Variants in COL24A1 observed in about 807,000 individuals in gnomAD.
COL24A1 encodes the protein collagen alpha-1(XXIV) chain.
In COL24A1, 224 loss-of-function variants were observed where a neutral mutation model predicts 253.9. That is an observed-to-expected ratio of 0.88 (90% CI 0.79 to 0.99). The LOEUF is 0.99. Among genes scored for constraint, COL24A1 ranks in the 50% least tolerant of loss-of-function variants. The probability of loss-of-function intolerance (pLI) is 0.00; values close to 1 mark genes in which losing one functional copy is unlikely to be tolerated. For missense variants in COL24A1, 2,131 were observed against 2,068.5 expected, an observed-to-expected ratio of 1.03 and a Z score of -0.59; for synonymous variants, 685 against 673.7, an observed-to-expected ratio of 1.02 and a Z score of -0.26.
At chr1:85,873,680 G>C (rs188549664) in intron 35 of COL24A1, among the ~76,000 whole-genome samples, 1 of 152,130 alleles carries the variant, frequency 6.6e-6, no homozygotes, top group South Asian at 2.1e-4. Context: ...ACACACTGTC[G>C]TGGGGTAGGG....
intron 20 of COL24A1, among the ~76,000 whole-genome samples, chr1:85,977,969 C>G (rs1418355391): frequency 6.6e-6 from 1 of 152,110 alleles, no homozygotes; most frequent in Non-Finnish European, 1.5e-5. Context: ...ATCATACGAG[C>G]TGTGAGGCAA....
intron 39 of COL24A1, among the ~76,000 whole-genome samples, chr1:85,845,969 T>C (rs116203346): frequency 0.011 from 1,675 of 151,840 alleles, 23 homozygotes; most frequent in African/African-American, 0.038. Context: ...AATTATGAAG[T>C]ATTTGCCCTA....
chr1:85,793,899 T>G (rs768866903), intron 47 of COL24A1, among the ~76,000 whole-genome samples: 4 of 151,728 alleles, frequency 2.6e-5, no homozygotes, highest in Non-Finnish European at 5.9e-5. Flanking sequence ...AAAATTCTGA[T>G]GAATAGCACC....
intron 12 of COL24A1, among the ~76,000 whole-genome samples, chr1:86,036,673 T>C (rs1260072813): frequency 2.0e-5 from 3 of 152,176 alleles, no homozygotes; most frequent in Non-Finnish European, 4.4e-5. Context: ...TGCAGCCACA[T>C]AGCTTCATTG....
rs1199299899 is a variant in COL24A1, at chr1:85,889,728, A to T, written c.2923-115T>A. On this transcript the variant is annotated intron_variant, in intron 31 of 59. Transcript: ENST00000370571. Reference sequence around the variant, plus strand: ...CCACCCAACTTTTCTGTCTATTGCTATTCTTTTTTTTTTTTTGCTTTTGTG... The same window carrying T: ...CCACCCAACTTTTCTGTCTATTGCTTTTCTTTTTTTTTTTTTGCTTTTGTG... 15 of 793,136 alleles carry T rather than the reference A, an allele frequency of 1.9e-5. No homozygotes were observed. In the East Asian group the frequency reaches 2.9e-4, roughly 15 times the overall value. 49.1% of individuals were successfully genotyped at this position (793,136 alleles called of 1,614,324 possible). A position where few individuals can be genotyped will look rare whatever the true frequency, so the allele number is the denominator to read the frequency against.
chr1:85,908,638 G>A lies in COL24A1; in HGVS notation c.2684C>T (p.Pro895Leu). 7.0e-7 allele frequency: 1 copy of A among 1,434,624 alleles called. No homozygotes were observed. The highest frequency in any genetic ancestry group is 2.5e-5 in the East Asian group (1 of 39,240). The allele number at this position is 1,434,624 out of a possible 1,614,324, so 88.9% of individuals were successfully genotyped here. A position where few individuals can be genotyped will look rare whatever the true frequency, so the allele number is the denominator to read the frequency against. Residue 895 changes from proline to leucine, a missense_variant, in exon 27 of 60, where the codon CCT becomes CTT. Coordinates refer to ENST00000370571, the MANE Select transcript of COL24A1 (RefSeq NM_152890.7). Reference sequence around the variant, plus strand: ...ACCGATAGGTCCTGGAACCCCAGGAGGACCTGGATATCCCTATAATTTAAG... The same window carrying A: ...ACCGATAGGTCCTGGAACCCCAGGAAGACCTGGATATCCCTATAATTTAAG... ...GEKGVMGYPG[P>L]PGVPGPIGPL...
At chr1:85,974,826 A>G (rs1367093465) in intron 20 of COL24A1, among the ~76,000 whole-genome samples, 2 of 152,176 alleles carry the variant, frequency 1.3e-5, no homozygotes, top group East Asian at 1.9e-4. Flanking sequence ...GCACTTTACT[A>G]GAGATGTAAA....
intron 1 of COL24A1, among the ~76,000 whole-genome samples, chr1:86,152,559 G>C (rs902236769): frequency 6.6e-6 from 1 of 152,110 alleles, no homozygotes; most frequent in Non-Finnish European, 1.5e-5. Flanking sequence ...CTGGTCTCAG[G>C]CATTTTAGAT....
In COL24A1 at chr1:86,125,177, GACC is replaced by G; in HGVS notation, c.1156_1158del (p.Gly386del). The G allele has an allele frequency of 6.2e-7, 1 of 1,613,298 alleles. No homozygotes were observed. Among genetic ancestry groups the G allele is most frequent in the Non-Finnish European group, 8.5e-7 (1 of 1,179,554 alleles). On this transcript the variant is annotated inframe_deletion, in exon 3 of 60. Coordinates refer to ENST00000370571, the MANE Select transcript of COL24A1 (RefSeq NM_152890.7). ...GATGGCATCTTCTTAAACAGTGACA[GACC>G]AGTTACTCTATCATCATGTTGTGTG...
At chr1:85,793,841 G>C (rs996978518) in intron 47 of COL24A1, among the ~76,000 whole-genome samples, 4 of 151,960 alleles carry the variant, frequency 2.6e-5, no homozygotes, top group African/African-American at 9.7e-5. Flanking sequence ...CCAATGACCA[G>C]GTCTCTAATG....
chr1:85,982,287 C>A (rs1040155989), intron 20 of COL24A1, among the ~76,000 whole-genome samples: 1 of 151,996 alleles, frequency 6.6e-6, no homozygotes, highest in African/African-American at 2.4e-5. Flanking sequence ...TGAGAAGCTG[C>A]TGTTCAATAA....
At chr1:86,049,028 A>G (rs1158439770) in intron 11 of COL24A1, among the ~76,000 whole-genome samples, 1 of 152,222 alleles carries the variant, frequency 6.6e-6, no homozygotes, top group African/African-American at 2.4e-5. Context: ...AACTGGAACC[A>G]TTGGGTCAAG....
rs781709042 is a variant in COL24A1, at chr1:86,125,859, A to G, written c.477T>C (p.His159=). Residue 159 remains histidine (H), a synonymous_variant, in exon 3 of 60, where the codon CAT becomes CAC. Transcript: ENST00000370571. ...TGGCAAATGAGTGCCATTGCTCATC[A>G]TGAACACTGTAGTTGAAAACTGCAG... ...KQPAVFNYSV[H]DEQWHSFAIT... 1.2e-6 allele frequency: 2 copies of G among 1,613,352 alleles called. No individual in the cohort carries two copies. The highest frequency in any genetic ancestry group is 4.5e-5 in the East Asian group (2 of 44,842).
intron 24 of COL24A1, among the ~76,000 whole-genome samples, chr1:85,944,186 G>A (rs542477889): frequency 1.3e-5 from 2 of 152,158 alleles, no homozygotes; most frequent in Non-Finnish European, 2.9e-5. Context: ...CTCTATTACA[G>A]TATTTCAGAT....
chr1:86,023,139 A>G, intron 14 of COL24A1, 132 bp from the exon 15 acceptor site: 1 of 705,830 alleles, frequency 1.4e-6, no homozygotes, highest in Non-Finnish European at 2.4e-6. Context: ...TTGTTCTTCA[A>G]CAACTTATTT....
chr1:85,866,678 G>A (rs1278825413), intron 37 of COL24A1, among the ~76,000 whole-genome samples: 1 of 152,058 alleles, frequency 6.6e-6, no homozygotes, highest in Non-Finnish European at 1.5e-5. Flanking sequence ...GGAGGCAGAG[G>A]TAACAGAATC....
At chr1:85,958,320 T>A (rs1690685886) in intron 24 of COL24A1, among the ~76,000 whole-genome samples, 1 of 152,120 alleles carries the variant, frequency 6.6e-6, no homozygotes, top group East Asian at 1.9e-4. Context: ...AAAACAGCCT[T>A]CTCTCATCTA....
intron 35 of COL24A1, 83 bp from the exon 36 acceptor site, chr1:85,868,918 T>C (rs555042445): frequency 6.6e-6 from 6 of 903,828 alleles, no homozygotes; most frequent in South Asian, 1.8e-5. Context: ...ATAGTATATA[T>C]GGAAAATAGC....
intron 2 of COL24A1, among the ~76,000 whole-genome samples, chr1:86,128,349 AG>A (rs764374224): frequency 6.6e-6 from 1 of 151,958 alleles, no homozygotes; most frequent in Non-Finnish European, 1.5e-5. Flanking sequence ...CTAACTCTAA[AG>A]GTATGCCTAG....
Sources: gnomAD v4.1 joint callset for allele counts (sites outside exome capture counted in the v4.1 genomes callset) on GRCh38, gnomAD v4.1.1 for gene constraint, MANE v1.5 for transcripts, NCBI Gene and HGNC (gene_info 2026-07-23, HGNC 2026-07-21) for gene names.